Variants in LDLRAD3 observed in about 807,000 individuals in gnomAD.
The protein encoded by LDLRAD3 is low-density lipoprotein receptor class A domain-containing protein 3.
Under a neutral mutation model 29.4 loss-of-function variants are expected in LDLRAD3, and 20 were observed. The observed-to-expected ratio is 0.68, with a 90% CI of 0.48 to 0.99. The LOEUF (loss-of-function observed/expected upper bound fraction) is 0.99, where lower values mean the gene tolerates loss of function less well. Ranked by LOEUF, LDLRAD3 falls within the 50% of genes least tolerant of loss-of-function variation. The pLI, the probability that LDLRAD3 is intolerant of heterozygous loss-of-function variation, is 0.00. For missense variants in LDLRAD3, 420 were observed against 454.3 expected, an observed-to-expected ratio of 0.92 and a Z score of 0.69; for synonymous variants, 157 against 192.7, an observed-to-expected ratio of 0.81 and a Z score of 1.53.
In LDLRAD3 at chr11:36,146,695, A is replaced by G. The variant is rs373279488; in HGVS notation, c.454+48234A>G. ...CTTGGCTTGTAGACGCATCCCTGCA[A>G]TCTCTGCTTCCGTCTTCACCTGGCA... On this transcript the variant is annotated intron_variant, in intron 4 of 5. Transcript: ENST00000315571. Among the ~76,000 whole-genome samples the G allele has an allele frequency of 1.0e-3, 158 of 151,892 alleles. 1 individual carries two copies. The highest frequency in any genetic ancestry group is 0.01 in the Middle Eastern group (3 of 294).
At chr11:35,963,312 T>C (rs755508989) in intron 1 of LDLRAD3, among the ~76,000 whole-genome samples, 40 of 152,062 alleles carry the variant, frequency 2.6e-4, no homozygotes, top group Non-Finnish European at 1.0e-4. Flanking sequence ...TCTTCAGGCC[T>C]CTTAAAAAAA....
intron 4 of LDLRAD3, among the ~76,000 whole-genome samples, chr11:36,209,381 A>T (rs1855253178): frequency 9.2e-6 from 1 of 108,400 alleles, no homozygotes. Context: ...TTTTTTTGAG[A>T]CTGAGTCTCG....
chr11:36,154,717 G>C (rs1854323523), intron 4 of LDLRAD3, among the ~76,000 whole-genome samples: 1 of 152,174 alleles, frequency 6.6e-6, no homozygotes, highest in Non-Finnish European at 1.5e-5. Flanking sequence ...TCTGTTTCAT[G>C]TCTTATCATT....
chr11:36,081,480 G>A (rs1316150089), intron 2 of LDLRAD3, among the ~76,000 whole-genome samples, 173 bp from the exon 3 acceptor site: 1 of 152,182 alleles, frequency 6.6e-6, no homozygotes, highest in African/African-American at 2.4e-5. Context: ...GTGGCGTGTG[G>A]GTGTCCAATC....
intron 4 of LDLRAD3, among the ~76,000 whole-genome samples, chr11:36,215,498 G>A (rs376552413): frequency 6.6e-6 from 1 of 152,196 alleles, no homozygotes; most frequent in Non-Finnish European, 1.5e-5. Context: ...GATTGGTTGA[G>A]GCTGGTGTGC....
chr11:36,103,737 C>T lies in LDLRAD3; in HGVS notation c.454+5276C>T, dbSNP rs1396511340. On this transcript the variant is annotated intron_variant, in intron 4 of 5. Transcript: ENST00000315571. ...TTTGCCCTTAAGAAGAATGACAAGT[C>T]CCTCTGTAGGCCGTTTGAAGTTTGC... 2.0e-5 allele frequency among the ~76,000 whole-genome samples: 3 copies of T among 152,312 alleles called. No individual in the cohort carries two copies. The East Asian group carries it at 5.8e-4, about 29-fold the overall frequency.
chr11:36,074,248 G>A (rs150465505), intron 2 of LDLRAD3, among the ~76,000 whole-genome samples: 50 of 152,336 alleles, frequency 3.3e-4, no homozygotes, highest in East Asian at 1.9e-3. Context: ...AGGCAGAGGC[G>A]TTAGCCAAAC....
At chr11:36,216,235 G>A (rs988552096) in intron 4 of LDLRAD3, among the ~76,000 whole-genome samples, 4 of 152,188 alleles carry the variant, frequency 2.6e-5, no homozygotes, top group Non-Finnish European at 5.9e-5. Flanking sequence ...CCAACAGCCT[G>A]CCCAAAGGCC....
Position 35,958,975 on chromosome 11 carries a change from C to G in LDLRAD3, c.46+14831C>G, listed in dbSNP as rs538929396. 3.8e-4 allele frequency among the ~76,000 whole-genome samples: 58 copies of G among 152,284 alleles called. 1 individual carries two copies. In the South Asian group the frequency reaches 0.011, roughly 28 times the overall value. Reference sequence around the variant, plus strand: ...GGTCACTGGACCCTCCATCCCCTGCCCCTCCCAGCAGCATTGGGCCTCCAG... The same window carrying G: ...GGTCACTGGACCCTCCATCCCCTGCGCCTCCCAGCAGCATTGGGCCTCCAG... On this transcript the variant is annotated intron_variant, in intron 1 of 5. Coordinates refer to ENST00000315571, the MANE Select transcript of LDLRAD3 (RefSeq NM_174902.4).
At chr11:36,069,939 C>T (rs1002594205) in intron 2 of LDLRAD3, among the ~76,000 whole-genome samples, 3 of 152,162 alleles carry the variant, frequency 2.0e-5, no homozygotes, top group Non-Finnish European at 4.4e-5. Context: ...ATTGCTTTTC[C>T]GCCTAGACCG....
At chr11:36,025,970 G>A (rs2133201921) in intron 1 of LDLRAD3, among the ~76,000 whole-genome samples, 1 of 150,362 alleles carries the variant, frequency 6.7e-6, no homozygotes, top group African/African-American at 2.4e-5. Context: ...CATAGAGACG[G>A]GGTTTCACCA....
intron 4 of LDLRAD3, among the ~76,000 whole-genome samples, chr11:36,104,117 G>C (rs1303556393): frequency 6.6e-6 from 1 of 152,194 alleles, no homozygotes; most frequent in Non-Finnish European, 1.5e-5. Flanking sequence ...TCGCTGGCTA[G>C]CTCTCTCCCA....
chr11:36,198,795 A>C (rs1388145807), intron 4 of LDLRAD3, among the ~76,000 whole-genome samples: 1 of 152,182 alleles, frequency 6.6e-6, no homozygotes, highest in Non-Finnish European at 1.5e-5. Flanking sequence ...TGAACACTTC[A>C]TTTAGGTTTG....
At chr11:36,157,500 A>G (rs970594519) in intron 4 of LDLRAD3, among the ~76,000 whole-genome samples, 1 of 152,198 alleles carries the variant, frequency 6.6e-6, no homozygotes, top group Non-Finnish European at 1.5e-5. Flanking sequence ...CAAATGAACC[A>G]TGGGGTTCTT....
chr11:36,097,808 C>T (rs1257441457), intron 3 of LDLRAD3, among the ~76,000 whole-genome samples: 1 of 151,522 alleles, frequency 6.6e-6, no homozygotes, highest in Non-Finnish European at 1.5e-5. Flanking sequence ...TCCTGTACCC[C>T]GTATATTTGC....
At chr11:35,972,135 G>A (rs1393576513) in intron 1 of LDLRAD3, among the ~76,000 whole-genome samples, 1 of 152,040 alleles carries the variant, frequency 6.6e-6, no homozygotes, top group African/African-American at 2.4e-5. Flanking sequence ...GTACCAATGA[G>A]GAGGAGGAGA....
chr11:36,098,278 A>G (rs75275083), intron 3 of LDLRAD3, 49 bp from the exon 4 acceptor site: 13 of 1,609,902 alleles, frequency 8.1e-6, no homozygotes, highest in South Asian at 3.3e-5. Context: ...AGGGTCCCCA[A>G]GGGAACTTGC....
chr11:35,973,346 G>C (rs187572478), intron 1 of LDLRAD3, among the ~76,000 whole-genome samples: 2 of 152,202 alleles, frequency 1.3e-5, no homozygotes, highest in African/African-American at 4.8e-5. Context: ...TCACATCTTT[G>C]CTGTGACAAA....
At chr11:36,069,952 G>A (rs182390875) in intron 2 of LDLRAD3, among the ~76,000 whole-genome samples, 313 of 152,268 alleles carry the variant, frequency 2.1e-3, no homozygotes, top group Non-Finnish European at 3.3e-3. Flanking sequence ...CTAGACCGTG[G>A]CCGACCTCAG....
Sources: gnomAD v4.1 joint callset for allele counts (sites outside exome capture counted in the v4.1 genomes callset) on GRCh38, gnomAD v4.1.1 for gene constraint, MANE v1.5 for transcripts, NCBI Gene and HGNC (gene_info 2026-07-23, HGNC 2026-07-21) for gene names.